BEAN1: variants seen among roughly 807,000 people sequenced by gnomAD.
BEAN1 encodes the protein protein BEAN1.
In BEAN1, 17 loss-of-function variants were observed where a neutral mutation model predicts 17.7. That is an observed-to-expected ratio of 0.96 (90% CI 0.66 to 1.44). The LOEUF is 1.44. Among genes scored for constraint, BEAN1 ranks in the 40% most tolerant of loss-of-function variants. The pLI, the probability that BEAN1 is intolerant of heterozygous loss-of-function variation, is 0.00. For synonymous variants in BEAN1, 142 were observed against 151.8 expected, an observed-to-expected ratio of 0.94 and a Z score of 0.47; for missense variants, 359 against 374.1, an observed-to-expected ratio of 0.96 and a Z score of 0.33.
At chr16:66,479,626 CT>C (rs1963908617) in intron 4 of BEAN1, among the ~76,000 whole-genome samples, 1 of 152,158 alleles carries the variant, frequency 6.6e-6, no homozygotes. Context: ...AAGGGTCTGG[CT>C]GAGCCTGGGG....
chr16:66,437,784 G>C, intron 2 of BEAN1, 83 bp downstream of exon 2: 1 of 1,466,382 alleles, frequency 6.8e-7, no homozygotes, highest in Non-Finnish European at 9.2e-7. Context: ...AACGGCTTGA[G>C]GTGTTTGGCC....
chr16:66,437,280 G>A (rs34776850), intron 1 of BEAN1, among the ~76,000 whole-genome samples: 3,038 of 152,012 alleles, frequency 0.02, 47 homozygotes, highest in South Asian at 0.045. Flanking sequence ...GAAGCAGTGG[G>A]ATCTCACATT....
chr16:66,493,030 G>A lies in BEAN1; in HGVS notation c.216G>A (p.Leu72=), dbSNP rs754915917. 4.3e-6 allele frequency: 3 copies of A among 702,954 alleles called. No homozygotes were observed. In the South Asian group the frequency reaches 4.4e-5, roughly 10 times the overall value. The allele number at this position is 702,954 out of a possible 1,614,324, so 43.5% of individuals were successfully genotyped here. Residue 72 remains leucine, a synonymous_variant, in exon 5 of 5, where the codon CTG becomes CTA. Coordinates refer to the BEAN1 transcript ENST00000561796. Reference sequence around the variant, plus strand: ...CCAGACACAAACTGGACGCCATCCTGGGCAGGCTGGGCTACACGGCCACCT... The same window carrying A: ...CCAGACACAAACTGGACGCCATCCTAGGCAGGCTGGGCTACACGGCCACCT...
At position 66,466,263 on chromosome 16, in the gene BEAN1, C is replaced by T. The variant is rs561766779; in HGVS notation, c.26-3339C>T. ...CTGCACTCCAGCCTGGGAGACAATG[C>T]GAGACTCTGTCTCAAAAAAAACAAA... is the stretch of plus-strand genomic sequence containing the variant. On this transcript the variant is annotated intron_variant, in intron 2 of 4. Coordinates refer to ENST00000536005, the MANE Select transcript of BEAN1 (RefSeq NM_001178020.3). Among the ~76,000 whole-genome samples the T allele has an allele frequency of 4.4e-3, 675 of 152,208 alleles. 6 individuals are homozygous for T. Among genetic ancestry groups the T allele is most frequent in the African/African-American group, 0.016 (656 of 41,518 alleles).
intron 3 of BEAN1, among the ~76,000 whole-genome samples, chr16:66,474,594 GAGGGAGGGAGAGAGGGAGGGAGGA>G (rs1567505073): frequency 2.1e-4 from 5 of 23,558 alleles, no homozygotes; most frequent in African/African-American, 4.1e-4. Context: ...GGGAGGGAGG[GAGGGAGGGAGAGAGGGAGGGAGGA>G]AGGGAGGGAG....
chr16:66,484,196 C>T, downstream of BEAN1: 1 of 238,646 alleles, frequency 4.2e-6, no homozygotes, highest in South Asian at 5.3e-5. The surrounding 1 kb of genome is among the most constrained non-coding windows in gnomAD (Gnocchi z 4.2). Context: ...TTTGCATGCC[C>T]TCTGTTCTGA....
At chr16:66,474,457 G>A (rs892933766) in intron 3 of BEAN1, among the ~76,000 whole-genome samples, 1 of 150,050 alleles carries the variant, frequency 6.7e-6, no homozygotes, top group African/African-American at 2.5e-5. Context: ...CCCTCTGCCT[G>A]CCCACAGAGC....
chr16:66,455,511 G>A (rs1962831099), intron 2 of BEAN1, among the ~76,000 whole-genome samples: 1 of 152,102 alleles, frequency 6.6e-6, no homozygotes, highest in East Asian at 1.9e-4. Flanking sequence ...AAGCAAAACA[G>A]CAAAGTGGAT....
intron 4 of BEAN1, among the ~76,000 whole-genome samples, chr16:66,491,443 G>A (rs1360338683): frequency 6.6e-6 from 1 of 152,190 alleles, no homozygotes; most frequent in Non-Finnish European, 1.5e-5. Flanking sequence ...CTCTGCCTCT[G>A]GGAGAAACAG....
intron 2 of BEAN1, among the ~76,000 whole-genome samples, chr16:66,450,207 C>T (rs1318893982): frequency 6.6e-6 from 1 of 152,226 alleles, no homozygotes; most frequent in Non-Finnish European, 1.5e-5. Context: ...CCCAGCTCTA[C>T]ACGATTGTCT....
intron 2 of BEAN1, among the ~76,000 whole-genome samples, chr16:66,450,385 A>C (rs977431186): frequency 6.6e-6 from 1 of 152,254 alleles, no homozygotes; most frequent in Non-Finnish European, 1.5e-5. Context: ...AGTGTACTGC[A>C]ATAACCAAGA....
downstream of BEAN1, chr16:66,484,153 T>G (rs1964052364): frequency 5.0e-6 from 1 of 201,246 alleles, no homozygotes. The surrounding 1 kb of genome is among the most constrained non-coding windows in gnomAD (Gnocchi z 4.2). Context: ...AGCCTGACAC[T>G]TATGTCCCCC....
At chr16:66,438,189 G>T (rs1404231964) in intron 2 of BEAN1, among the ~76,000 whole-genome samples, 1 of 152,058 alleles carries the variant, frequency 6.6e-6, no homozygotes, top group African/African-American at 2.4e-5. Flanking sequence ...TTCGAGACCA[G>T]CCTGGCCAAC....
intron 2 of BEAN1, among the ~76,000 whole-genome samples, chr16:66,443,479 T>C (rs1021434396): frequency 6.6e-6 from 1 of 152,078 alleles, no homozygotes; most frequent in Admixed American, 6.5e-5. Flanking sequence ...AAACCACAGC[T>C]GGAAAAAGGA....
At chr16:66,460,095 G>T (rs1257629601) in intron 2 of BEAN1, among the ~76,000 whole-genome samples, 4 of 152,224 alleles carry the variant, frequency 2.6e-5, no homozygotes, top group Admixed American at 6.5e-5. Flanking sequence ...CACTGGCCCT[G>T]CCCAGTATCC....
chr16:66,474,225 C>T (rs1364138583), intron 3 of BEAN1, among the ~76,000 whole-genome samples: 4 of 152,180 alleles, frequency 2.6e-5, no homozygotes, highest in African/African-American at 7.2e-5. Context: ...TAAATTAGCA[C>T]AGCACCTGGC....
intron 2 of BEAN1, among the ~76,000 whole-genome samples, chr16:66,458,065 T>A (rs1418060179): frequency 1.3e-5 from 2 of 152,216 alleles, no homozygotes; most frequent in Non-Finnish European, 2.9e-5. Context: ...GGAATTTTTG[T>A]GACAGGAGCC....
chr16:66,441,443 A>G (rs1366429199), intron 2 of BEAN1, among the ~76,000 whole-genome samples: 2 of 152,136 alleles, frequency 1.3e-5, no homozygotes, highest in Non-Finnish European at 2.9e-5. Context: ...ACTTAGATAC[A>G]TACAGAATTC....
intron 4 of BEAN1, among the ~76,000 whole-genome samples, chr16:66,488,487 C>A (rs987428009): frequency 1.4e-5 from 2 of 145,384 alleles, no homozygotes; most frequent in Non-Finnish European, 3.0e-5. Context: ...TGGAAACCAG[C>A]CTGGGCAACA....
Sources: allele counts gnomAD v4.1 joint callset (sites outside exome capture counted in the v4.1 genomes callset), GRCh38; gene constraint gnomAD v4.1.1; non-coding constraint Gnocchi (gnomAD v3.1); transcripts MANE v1.5; gene names NCBI Gene and HGNC (gene_info 2026-07-23, HGNC 2026-07-21).